ANKRD44: variants seen among roughly 807,000 people sequenced by gnomAD.
The protein encoded by ANKRD44 is ankyrin repeat domain 44.
Under a neutral mutation model 116.0 loss-of-function variants are expected in ANKRD44, and 35 were observed. The ratio of observed to expected loss-of-function variants is 0.30; its 90% confidence interval spans 0.23 to 0.40. The LOEUF is 0.40. Ranked by LOEUF, ANKRD44 falls within the 10% of genes least tolerant of loss-of-function variation. The pLI, the probability that ANKRD44 is intolerant of heterozygous loss-of-function variation, is 1.00. For missense variants in ANKRD44, 1,014 were observed against 1,242.6 expected (o/e 0.82, Z 2.77); for synonymous variants, 435 against 461.8 (o/e 0.94, Z 0.74).
chr2:197,226,813 C>T (rs2081729242), intron 1 of ANKRD44, among the ~76,000 whole-genome samples: 1 of 152,112 alleles, frequency 6.6e-6, no homozygotes, highest in African/African-American at 2.4e-5. Flanking sequence ...GGCATGTTGC[C>T]AGGATTAGAA....
At chr2:197,305,231 G>A (rs2084034945) in intron 1 of ANKRD44, among the ~76,000 whole-genome samples, 1 of 152,144 alleles carries the variant, frequency 6.6e-6, no homozygotes, top group African/African-American at 2.4e-5. Context: ...CAATCACCAG[G>A]AGTTTTCTCA....
chr2:197,020,598 A>C (rs2076477398), intron 17 of ANKRD44, among the ~76,000 whole-genome samples: 1 of 152,214 alleles, frequency 6.6e-6, no homozygotes, highest in Admixed American at 6.5e-5. Flanking sequence ...GGGCACATGC[A>C]ACCCTTCAGC....
chr2:197,105,388 C>T (rs1470065131), intron 9 of ANKRD44, among the ~76,000 whole-genome samples: 1 of 152,212 alleles, frequency 6.6e-6, no homozygotes, highest in Non-Finnish European at 1.5e-5. Flanking sequence ...GCTGGGATTA[C>T]AAGCGTGAGC....
intron 9 of ANKRD44, among the ~76,000 whole-genome samples, chr2:197,106,672 C>T (rs2078435676): frequency 6.6e-6 from 1 of 151,618 alleles, no homozygotes; most frequent in Non-Finnish European, 1.5e-5. Context: ...CGCATGTAGT[C>T]CCAGCTACTC....
intron 1 of ANKRD44, among the ~76,000 whole-genome samples, chr2:197,252,459 C>G (rs908871580): frequency 6.6e-6 from 1 of 151,780 alleles, no homozygotes; most frequent in South Asian, 2.1e-4. Flanking sequence ...CAGGCTGGAG[C>G]GCAGTAGCGC....
rs903561489 is a variant in ANKRD44 at position 197,310,517 on chromosome 2, C to T, written c.27+61G>A. 348 of 1,003,356 alleles carry T rather than the reference C, an allele frequency of 3.5e-4. 2 individuals carry two copies. The highest frequency in any genetic ancestry group is 1.1e-3 in the Admixed American group (18 of 16,358). 62.2% of individuals were successfully genotyped at this position (1,003,356 alleles called of 1,614,324 possible). On this transcript the variant is annotated intron_variant, in intron 1 of 27. Transcript: ENST00000282272. The stretch of plus-strand genomic sequence containing the variant: ...CGCTCCAGCCGCGCCCCCATCCCCC[C>T]GCCGGGCTCCGCGCCGCCCCGCGCC...
Position 197,191,098 on chromosome 2 carries a change from C to T in ANKRD44, c.28-3992G>A, listed in dbSNP as rs545486021. 2.6e-5 allele frequency among the ~76,000 whole-genome samples: 4 copies of T among 152,316 alleles called. No individual in the cohort carries two copies. The East Asian group carries it at 7.7e-4, about 29-fold the overall frequency. ...GAGAGGTATGCAGTCTTTTTAGCTTCAATTGCTAGAATTTTCTTAGCATGC... is the reference window on the plus strand; with the variant it reads ...GAGAGGTATGCAGTCTTTTTAGCTTTAATTGCTAGAATTTTCTTAGCATGC... On this transcript the variant is annotated intron_variant, in intron 1 of 27. Coordinates refer to ENST00000282272, the MANE Select transcript of ANKRD44 (RefSeq NM_001195144.2).
At chr2:197,249,041 T>C (rs1398230818) in intron 1 of ANKRD44, among the ~76,000 whole-genome samples, 1 of 151,978 alleles carries the variant, frequency 6.6e-6, no homozygotes, top group Non-Finnish European at 1.5e-5. Flanking sequence ...AAGGCTGAGA[T>C]GGGAAGATGG....
At chr2:197,310,144 T>C (rs2084202370) in intron 1 of ANKRD44, among the ~76,000 whole-genome samples, 3 of 152,154 alleles carry the variant, frequency 2.0e-5, no homozygotes, top group South Asian at 2.1e-4. Context: ...GCAGGACTCC[T>C]GCTAGGTTTG....
intron 7 of ANKRD44, 56 bp from the exon 8 acceptor site, chr2:197,121,600 T>C: frequency 1.4e-6 from 2 of 1,469,440 alleles, no homozygotes; most frequent in Non-Finnish European, 1.9e-6. Flanking sequence ...TTTACTCCAT[T>C]TTCCACAAAA....
chr2:197,099,798 A>AT lies in ANKRD44; in HGVS notation c.1100+17dup, dbSNP rs781349237. ...CCACTTGAGGCAATTATTCCACCGTATTTTTGCGGTAACCTACTTGGCTGT... is the reference window on the plus strand; with the variant it reads ...CCACTTGAGGCAATTATTCCACCGTATTTTTTGCGGTAACCTACTTGGCTGT... On this transcript the variant is annotated intron_variant, in intron 10 of 27. Coordinates refer to ENST00000282272, the MANE Select transcript of ANKRD44 (RefSeq NM_001195144.2). The AT allele has an allele frequency of 6.2e-7, 1 of 1,613,578 alleles. No individual in the cohort carries two copies. The highest frequency in any genetic ancestry group is 1.1e-5 in the South Asian group (1 of 90,998).
chr2:197,182,683 C>G (rs1231759586), intron 2 of ANKRD44, among the ~76,000 whole-genome samples: 1 of 38,152 alleles, frequency 2.6e-5, no homozygotes, highest in African/African-American at 3.6e-5. Context: ...ATATTCAAGT[C>G]CCTGAGTTGG....
intron 5 of ANKRD44, 123 bp from the exon 6 acceptor site, chr2:197,125,591 C>G (rs973566530): frequency 1.0e-6 from 1 of 1,002,314 alleles, no homozygotes; most frequent in Admixed American, 1.9e-5. Context: ...ATCTGGAGTT[C>G]TGACAAAGTA....
At chr2:197,253,484 G>A (rs2082368635) in intron 1 of ANKRD44, among the ~76,000 whole-genome samples, 1 of 152,088 alleles carries the variant, frequency 6.6e-6, no homozygotes, top group South Asian at 2.1e-4. Context: ...AAAATAGTAG[G>A]TGGTTTAATA....
chr2:197,152,942 C>T lies in ANKRD44; in HGVS notation c.112-5837G>A, dbSNP rs527991519. On this transcript the variant is annotated intron_variant, in intron 2 of 27. Coordinates refer to ENST00000282272, the MANE Select transcript of ANKRD44 (RefSeq NM_001195144.2). ...ATACAGAAGTTAAGTTTGGGCCGGA[C>T]GTGGTGGCTCATGCATGCAATCCCT... is the stretch of plus-strand genomic sequence containing the variant. 5.3e-5 allele frequency among the ~76,000 whole-genome samples: 8 copies of T among 152,158 alleles called. No individual in the cohort carries two copies. The South Asian group carries it at 1.5e-3, about 28-fold the overall frequency.
chr2:197,078,924 G>A, intron 15 of ANKRD44, 110 bp from the exon 16 acceptor site: 1 of 1,132,772 alleles, frequency 8.8e-7, no homozygotes, highest in Non-Finnish European at 1.2e-6. Flanking sequence ...TTATGAGTTT[G>A]TTTCTTTAAA....
chr2:197,143,268 T>C (rs1006398786), intron 3 of ANKRD44, among the ~76,000 whole-genome samples: 1 of 151,350 alleles, frequency 6.6e-6, no homozygotes, highest in African/African-American at 2.4e-5. Context: ...GTTACATATG[T>C]ATACATGTGC....
chr2:197,073,341 TC>T (rs2077599472), intron 16 of ANKRD44, among the ~76,000 whole-genome samples: 1 of 152,024 alleles, frequency 6.6e-6, no homozygotes, highest in Non-Finnish European at 1.5e-5. Flanking sequence ...TAACTTATAT[TC>T]CCCTCTCCAC....
At chr2:197,064,152 T>C (rs2077380728) in intron 16 of ANKRD44, among the ~76,000 whole-genome samples, 2 of 152,354 alleles carry the variant, frequency 1.3e-5, no homozygotes, top group South Asian at 4.1e-4. Flanking sequence ...ATATTCAACA[T>C]TCTTAAAGAA....
Sources: gnomAD v4.1 joint callset for allele counts (sites outside exome capture counted in the v4.1 genomes callset) on GRCh38, gnomAD v4.1.1 for gene constraint, MANE v1.5 for transcripts, NCBI Gene and HGNC (gene_info 2026-07-23, HGNC 2026-07-21) for gene names.